Variants in CRISPLD2 observed in about 807,000 individuals in gnomAD.
CRISPLD2 encodes cysteine rich secretory protein LCCL domain containing 2.
In CRISPLD2, 47 loss-of-function variants were observed where a neutral mutation model predicts 71.1. That is an observed-to-expected ratio of 0.66 (90% CI 0.52 to 0.84). The LOEUF (loss-of-function observed/expected upper bound fraction) is 0.84, where lower values mean the gene tolerates loss of function less well. Among genes scored for constraint, CRISPLD2 ranks in the 40% least tolerant of loss-of-function variants. The pLI, the probability that CRISPLD2 is intolerant of heterozygous loss-of-function variation, is 0.00. For synonymous variants in CRISPLD2, 317 were observed against 250.1 expected, an observed-to-expected ratio of 1.27 and a Z score of -2.52; for missense variants, 830 against 651.1, an observed-to-expected ratio of 1.27 and a Z score of -2.99.
At chr16:84,900,900 A>G (rs1189145645) in intron 14 of CRISPLD2, among the ~76,000 whole-genome samples, 1 of 151,952 alleles carries the variant, frequency 6.6e-6, no homozygotes, top group Admixed American at 6.6e-5. Flanking sequence ...AAATACGAAA[A>G]TTAACCAGGC....
At chr16:84,845,238 C>T (rs1046990263) in intron 2 of CRISPLD2, among the ~76,000 whole-genome samples, 5 of 152,196 alleles carry the variant, frequency 3.3e-5, no homozygotes, top group East Asian at 1.9e-4. Flanking sequence ...GGGCCCGCTT[C>T]GGAGCCCCCT....
chr16:84,846,875 C>G (rs535396655), intron 3 of CRISPLD2, among the ~76,000 whole-genome samples: 3 of 152,226 alleles, frequency 2.0e-5, no homozygotes, highest in Non-Finnish European at 4.4e-5. Context: ...AGCCGACGGG[C>G]CTTCCCCAGA....
At chr16:84,871,612 CA>C (rs113223341) in intron 8 of CRISPLD2, among the ~76,000 whole-genome samples, 1,563 of 152,140 alleles carry the variant, frequency 0.01, 34 homozygotes, top group African/African-American at 0.036. Context: ...AGTGCAGTGG[CA>C]CGATCTTTGC....
At chr16:84,892,225 C>T (rs929426120) in intron 14 of CRISPLD2, among the ~76,000 whole-genome samples, 2 of 152,192 alleles carry the variant, frequency 1.3e-5, no homozygotes, top group Non-Finnish European at 2.9e-5. Context: ...GCACATCCTC[C>T]GGCCCCACCC....
chr16:84,842,658 A>G (rs1916806625), intron 2 of CRISPLD2, among the ~76,000 whole-genome samples: 1 of 152,018 alleles, frequency 6.6e-6, no homozygotes, highest in Non-Finnish European at 1.5e-5. Context: ...ACAGGCATGA[A>G]CCACTGTGCC....
intron 8 of CRISPLD2, among the ~76,000 whole-genome samples, chr16:84,872,237 G>T (rs966396547): frequency 2.0e-5 from 3 of 152,154 alleles, no homozygotes; most frequent in African/African-American, 7.2e-5. Flanking sequence ...AATCCCCCAC[G>T]GATACCGAGG....
intron 8 of CRISPLD2, 76 bp from the exon 9 acceptor site, chr16:84,872,365 GA>G: frequency 8.1e-7 from 1 of 1,229,660 alleles, no homozygotes; most frequent in South Asian, 1.2e-5. Flanking sequence ...AGCCATCGAT[GA>G]AAAAAATGAT....
chr16:84,859,666 A>T (rs1427697078), intron 6 of CRISPLD2, among the ~76,000 whole-genome samples: 2 of 152,222 alleles, frequency 1.3e-5, no homozygotes, highest in African/African-American at 4.8e-5. Context: ...TTTTCTGCTT[A>T]TGTAAATTAA....
chr16:84,863,957 CAAA>C (rs781013604), intron 6 of CRISPLD2, among the ~76,000 whole-genome samples: 5 of 80,802 alleles, frequency 6.2e-5, no homozygotes, highest in Admixed American at 1.4e-4. Flanking sequence ...AACTTCCTCT[CAAA>C]AAAAAAAAAA....
At chr16:84,828,001 G>T (rs1391873729) in intron 1 of CRISPLD2, among the ~76,000 whole-genome samples, 1 of 152,132 alleles carries the variant, frequency 6.6e-6, no homozygotes, top group East Asian at 1.9e-4. Context: ...GTATTTACCT[G>T]TCCGCTGCCC....
chr16:84,835,945 C>T (rs138621836), intron 1 of CRISPLD2, among the ~76,000 whole-genome samples: 182 of 152,308 alleles, frequency 1.2e-3, no homozygotes, highest in African/African-American at 4.3e-3. Context: ...CAGGTTGGCC[C>T]TCCCTGATCT....
At chr16:84,871,820 G>T (rs374568605) in intron 8 of CRISPLD2, among the ~76,000 whole-genome samples, 3 of 146,732 alleles carry the variant, frequency 2.0e-5, no homozygotes, top group African/African-American at 7.7e-5. Context: ...CCAAAGTGCT[G>T]GGATTACAGG....
chr16:84,908,519 G>T lies in CRISPLD2; in HGVS notation c.*1877G>T, dbSNP rs1471716939. Reference sequence around the variant, plus strand: ...TAGTGAAGGGTCCAGGACGATCCCAGTGGGCTCGCTTCCAAAGCATCCCAC... The same window carrying T: ...TAGTGAAGGGTCCAGGACGATCCCATTGGGCTCGCTTCCAAAGCATCCCAC... On this transcript the variant is annotated 3_prime_UTR_variant, in exon 15 of 15. Coordinates refer to ENST00000262424, the MANE Select transcript of CRISPLD2 (RefSeq NM_031476.4). The T allele has an allele frequency of 6.6e-6, 1 of 152,208 alleles. No individual in the cohort carries two copies. Among genetic ancestry groups the T allele is most frequent in the East Asian group, 1.9e-4 (1 of 5,196 alleles). The allele number at this position is 152,208 out of a possible 1,614,324, so 9.4% of individuals were successfully genotyped here.
intron 1 of CRISPLD2, among the ~76,000 whole-genome samples, chr16:84,827,906 G>A (rs1368117975): frequency 2.0e-5 from 3 of 152,066 alleles, no homozygotes; most frequent in Non-Finnish European, 2.9e-5. Flanking sequence ...GGACCTTGCC[G>A]TCTACCCCAA....
intron 6 of CRISPLD2, among the ~76,000 whole-genome samples, chr16:84,863,852 C>G (rs996409394): frequency 1.3e-5 from 2 of 151,030 alleles, no homozygotes; most frequent in South Asian, 2.1e-4. Context: ...CCTGTAATCC[C>G]AGGCTGAGGT....
At chr16:84,874,092 C>A in intron 11 of CRISPLD2, 129 bp downstream of exon 11, 1 of 855,140 alleles carries the variant, frequency 1.2e-6, no homozygotes, top group Non-Finnish European at 1.8e-6. Context: ...TCATCATTGT[C>A]AAGCCTTTTT....
At chr16:84,835,695 C>T (rs537278686) in intron 1 of CRISPLD2, among the ~76,000 whole-genome samples, 17 of 152,316 alleles carry the variant, frequency 1.1e-4, no homozygotes, top group Admixed American at 7.2e-4. Context: ...CACTAAACCC[C>T]GTGGTTCTCC....
intron 6 of CRISPLD2, among the ~76,000 whole-genome samples, chr16:84,862,191 G>A (rs1234985198): frequency 6.6e-6 from 1 of 152,018 alleles, no homozygotes; most frequent in Non-Finnish European, 1.5e-5. Context: ...TTGGGGCGGT[G>A]CGATTTTCTA....
At chr16:84,888,991 G>A (rs367875412) in intron 13 of CRISPLD2, among the ~76,000 whole-genome samples, 12 of 152,146 alleles carry the variant, frequency 7.9e-5, no homozygotes, top group African/African-American at 2.2e-4. Flanking sequence ...TCCTAATTCC[G>A]TGCCTGGCAT....
Sources: allele counts gnomAD v4.1 joint callset (sites outside exome capture counted in the v4.1 genomes callset), GRCh38; gene constraint gnomAD v4.1.1; transcripts MANE v1.5; gene names NCBI Gene and HGNC (gene_info 2026-07-23, HGNC 2026-07-21).